Variants in KDM4C observed in about 807,000 individuals in gnomAD.
The protein encoded by KDM4C is lysine-specific demethylase 4C.
Under a neutral mutation model 129.3 loss-of-function variants are expected in KDM4C, and 81 were observed. The observed-to-expected ratio is 0.63, with a 90% confidence interval of 0.52 to 0.75. The LOEUF is 0.75. KDM4C is among the 30% of genes least tolerant of loss of function. The probability of loss-of-function intolerance (pLI) is 0.00; values close to 1 mark genes in which losing one functional copy is unlikely to be tolerated. For synonymous variants in KDM4C, 573 were observed against 456.1 expected, an observed-to-expected ratio of 1.26 and a Z score of -3.26; for missense variants, 1,457 against 1,304.0, an observed-to-expected ratio of 1.12 and a Z score of -1.81.
rs143166055 is a variant in KDM4C, at chr9:6,781,246, T to A, written c.-17-11726T>A. On this transcript the variant is annotated intron_variant, in intron 1 of 21. Transcript: ENST00000381309. ...TGATTCTCATTATTTGCAGTAGTTA[T>A]GTTCTATAAAGTCATCATGAACAAT... Among the ~76,000 whole-genome samples the A allele has an allele frequency of 9.2e-5, 14 of 152,314 alleles. No homozygotes were observed. In the East Asian group the frequency reaches 2.7e-3, roughly 29 times the overall value.
intron 4 of KDM4C, among the ~76,000 whole-genome samples, chr9:6,825,016 T>C (rs1297740189): frequency 6.6e-6 from 1 of 151,908 alleles, no homozygotes; most frequent in Non-Finnish European, 1.5e-5. Context: ...TGTGGTGACA[T>C]GCACCTGTAG....
chr9:7,071,939 G>A (rs1201496025), intron 17 of KDM4C, among the ~76,000 whole-genome samples: 1 of 151,992 alleles, frequency 6.6e-6, no homozygotes, highest in African/African-American at 2.4e-5. Context: ...TTGTCTCCAG[G>A]ATATATAAAG....
intron 18 of KDM4C, among the ~76,000 whole-genome samples, chr9:7,105,213 C>T (rs1421387963): frequency 6.6e-6 from 1 of 152,192 alleles, no homozygotes; most frequent in East Asian, 1.9e-4. Context: ...AGGATTACCT[C>T]ATTAGAGGAT....
chr9:6,957,296 A>T (rs1829233659), intron 8 of KDM4C, among the ~76,000 whole-genome samples: 1 of 152,102 alleles, frequency 6.6e-6, no homozygotes, highest in Admixed American at 6.5e-5. Context: ...TCTATGTTTC[A>T]TTATAAATAT....
intron 1 of KDM4C, among the ~76,000 whole-genome samples, chr9:6,777,575 C>A (rs946050718): frequency 2.6e-5 from 4 of 152,094 alleles, no homozygotes; most frequent in African/African-American, 7.2e-5. Context: ...TTCCCTTTAC[C>A]TGTCTAAGAC....
intron 2 of KDM4C, among the ~76,000 whole-genome samples, chr9:6,800,521 A>C (rs1041415069): frequency 9.9e-5 from 15 of 152,188 alleles, no homozygotes; most frequent in Admixed American, 9.8e-4. Flanking sequence ...CCTGGGCAAC[A>C]GAGTCCCTGT....
chr9:7,127,479 C>G (rs1205642719), intron 18 of KDM4C, among the ~76,000 whole-genome samples: 1 of 152,108 alleles, frequency 6.6e-6, no homozygotes, highest in Non-Finnish European at 1.5e-5. Flanking sequence ...AAGACACATG[C>G]TTTATTAAAA....
At chr9:7,021,983 C>A (rs1824945524) in intron 15 of KDM4C, among the ~76,000 whole-genome samples, 1 of 152,150 alleles carries the variant, frequency 6.6e-6, no homozygotes, top group African/African-American at 2.4e-5. Flanking sequence ...GGATTTACCT[C>A]TGGGTTCTCT....
chr9:7,141,804 TTTTTTC>T (rs1841767787), intron 19 of KDM4C, among the ~76,000 whole-genome samples: 1 of 152,090 alleles, frequency 6.6e-6, no homozygotes, highest in South Asian at 2.1e-4. Context: ...TAGGTTTTTT[TTTTTTC>T]TTTTTCTTTT....
intron 4 of KDM4C, among the ~76,000 whole-genome samples, chr9:6,822,713 G>C (rs536644937): frequency 6.6e-6 from 1 of 152,160 alleles, no homozygotes; most frequent in South Asian, 2.1e-4. Flanking sequence ...GAGTTTCTTC[G>C]GGAAACAAAA....
At chr9:6,789,944 A>G (rs1347190219) in intron 1 of KDM4C, among the ~76,000 whole-genome samples, 2 of 151,688 alleles carry the variant, frequency 1.3e-5, no homozygotes, top group Non-Finnish European at 2.9e-5. Context: ...TGTATCTCCT[A>G]CTTCCTCATG....
chr9:6,961,677 G>A (rs937920516), intron 8 of KDM4C, among the ~76,000 whole-genome samples: 2 of 152,172 alleles, frequency 1.3e-5, no homozygotes, highest in African/African-American at 2.4e-5. Context: ...TCAAATAGGT[G>A]AGTGTAATAT....
chr9:6,792,623 G>C (rs1826893191), intron 1 of KDM4C, among the ~76,000 whole-genome samples: 1 of 152,108 alleles, frequency 6.6e-6, no homozygotes, highest in African/African-American at 2.4e-5. Context: ...TCCTGACCTT[G>C]TGATCTGCCC....
chr9:6,792,879 G>T, intron 1 of KDM4C, 93 bp from the exon 2 acceptor site: 2 of 1,241,464 alleles, frequency 1.6e-6, no homozygotes, highest in Non-Finnish European at 2.3e-6. Flanking sequence ...GAAAGAGAAG[G>T]GTTCCTGCTG....
At chr9:7,120,434 A>G (rs557051262) in intron 18 of KDM4C, among the ~76,000 whole-genome samples, 1 of 152,272 alleles carries the variant, frequency 6.6e-6, no homozygotes, top group African/African-American at 2.4e-5. Context: ...GTATCAGTGG[A>G]GAGAAAACTC....
intron 6 of KDM4C, among the ~76,000 whole-genome samples, chr9:6,886,518 G>C (rs909890840): frequency 1.9e-4 from 26 of 140,054 alleles, no homozygotes; most frequent in African/African-American, 6.3e-4. Context: ...TTTTTGAGGA[G>C]TCTTACTCTG....
rs1828569175 is a variant in KDM4C, at chr9:7,041,337, G to A, written c.2260-5525G>A. Among the ~76,000 whole-genome samples the A allele has an allele frequency of 1.3e-5, 2 of 151,958 alleles. 1 individual carries two copies. Among genetic ancestry groups the A allele is most frequent in the Non-Finnish European group, 2.9e-5 (2 of 67,950 alleles). ...ATGGTTTATATGCAGATACTAAGCT[G>A]TTTTATATAAAGGACTTCAGCATCT... On this transcript the variant is annotated intron_variant, in intron 15 of 21. Transcript: ENST00000381309.
At chr9:6,743,808 A>G (rs1817783872) in intron 1 of KDM4C, among the ~76,000 whole-genome samples, 1 of 151,858 alleles carries the variant, frequency 6.6e-6, no homozygotes, top group African/African-American at 2.4e-5. Flanking sequence ...TGCCTGTCCC[A>G]GATTTTCTGC....
chr9:6,954,871 G>A (rs1828792583), intron 8 of KDM4C, among the ~76,000 whole-genome samples: 1 of 152,202 alleles, frequency 6.6e-6, no homozygotes, highest in Non-Finnish European at 1.5e-5. Context: ...TTAGGGTTAA[G>A]TAATTTGACC....
Sources: allele counts gnomAD v4.1 joint callset (sites outside exome capture counted in the v4.1 genomes callset), GRCh38; gene constraint gnomAD v4.1.1; transcripts MANE v1.5; gene names NCBI Gene and HGNC (gene_info 2026-07-23, HGNC 2026-07-21).